DENND1A: variants seen among roughly 807,000 people sequenced by gnomAD.
DENND1A encodes DENN domain-containing protein 1A.
A neutral mutation model predicts 113.7 loss-of-function variants in DENND1A; 51 were observed. The observed-to-expected ratio is 0.45, with a 90% CI of 0.36 to 0.57. The LOEUF (loss-of-function observed/expected upper bound fraction) is 0.57, where lower values mean the gene tolerates loss of function less well. Among genes scored for constraint, DENND1A ranks in the 20% least tolerant of loss-of-function variants. The pLI is 0.00. For missense variants in DENND1A, 1,258 were observed against 1,395.9 expected (o/e 0.90, Z 1.57); for synonymous variants, 565 against 570.8 (o/e 0.99, Z 0.14).
At chr9:123,534,624 C>A (rs1361643426) in intron 13 of DENND1A, among the ~76,000 whole-genome samples, 1 of 151,916 alleles carries the variant, frequency 6.6e-6, no homozygotes, top group Non-Finnish European at 1.5e-5. Flanking sequence ...TTGCTCCACA[C>A]ACCTACCTCA....
chr9:123,488,523 T>C (rs2051082129), intron 13 of DENND1A, among the ~76,000 whole-genome samples: 1 of 152,208 alleles, frequency 6.6e-6, no homozygotes, highest in African/African-American at 2.4e-5. Context: ...TGGGCAAGAT[T>C]AGTAAATACA....
intron 8 of DENND1A, among the ~76,000 whole-genome samples, chr9:123,666,617 A>C (rs1240105560): frequency 6.6e-6 from 1 of 152,222 alleles, no homozygotes. Flanking sequence ...AATGTTCTAC[A>C]GTGAGAGAAT....
intron 13 of DENND1A, among the ~76,000 whole-genome samples, chr9:123,499,183 G>A (rs1302327103): frequency 2.0e-5 from 3 of 151,528 alleles, no homozygotes; most frequent in Non-Finnish European, 4.4e-5. Flanking sequence ...ACAGGCACAC[G>A]CCACCACGCC....
intron 1 of DENND1A, among the ~76,000 whole-genome samples, chr9:123,926,592 T>G (rs1488373950): frequency 6.9e-6 from 1 of 144,142 alleles, no homozygotes; most frequent in Admixed American, 6.9e-5. Flanking sequence ...AAAAAAGAAC[T>G]AAATAATCTA....
At chr9:123,747,073 T>C (rs2069576407) in intron 5 of DENND1A, among the ~76,000 whole-genome samples, 1 of 151,970 alleles carries the variant, frequency 6.6e-6, no homozygotes, top group Non-Finnish European at 1.5e-5. Context: ...TAAAAACTTG[T>C]TTTCTGATGG....
chr9:123,766,212 C>G (rs1828786169), intron 4 of DENND1A, among the ~76,000 whole-genome samples: 1 of 152,174 alleles, frequency 6.6e-6, no homozygotes, highest in African/African-American at 2.4e-5. Context: ...TTCTTGCTGT[C>G]CTGGCAGACT....
chr9:123,495,578 A>G (rs756505549), intron 13 of DENND1A, among the ~76,000 whole-genome samples: 1 of 152,224 alleles, frequency 6.6e-6, no homozygotes, highest in Admixed American at 6.5e-5. Flanking sequence ...AGCCCATGAT[A>G]CTTCTACATC....
intron 22 of DENND1A, 82 bp downstream of exon 22, chr9:123,387,648 A>C: frequency 8.4e-7 from 1 of 1,189,338 alleles, no homozygotes; most frequent in Non-Finnish European, 1.1e-6. Flanking sequence ...AAAGGCAAGC[A>C]GCACCAGCCC....
chr9:123,641,665 G>A (rs545486807), intron 9 of DENND1A, among the ~76,000 whole-genome samples: 1 of 150,966 alleles, frequency 6.6e-6, no homozygotes, highest in Non-Finnish European at 1.5e-5. Context: ...TCTTCTAAAT[G>A]AACTTGATCA....
At chr9:123,558,273 T>C (rs182354349) in intron 12 of DENND1A, among the ~76,000 whole-genome samples, 1 of 152,320 alleles carries the variant, frequency 6.6e-6, no homozygotes, top group African/African-American at 2.4e-5. Context: ...AGTCTTGTAG[T>C]CTGGGCCCAA....
At chr9:123,458,737 G>A (rs1217095347) in intron 13 of DENND1A, among the ~76,000 whole-genome samples, 1 of 152,196 alleles carries the variant, frequency 6.6e-6, no homozygotes, top group African/African-American at 2.4e-5. Context: ...CAAGGCAGGT[G>A]GATCACCTGA....
At position 123,784,851 on chromosome 9, in the gene DENND1A, T is replaced by C. The variant is rs190617796; in HGVS notation, c.132+7736A>G. Among the ~76,000 whole-genome samples, 56 of 152,260 alleles carry C rather than the reference T, an allele frequency of 3.7e-4. No individual in the cohort carries two copies. The East Asian group carries it at 9.3e-3, about 25-fold the overall frequency. ...CTGTAACAGCTGGGGAGTGACCAAA[T>C]TGGGAAGAAATCTTCAACTTAAAAG... is the stretch of plus-strand genomic sequence containing the variant. On this transcript the variant is annotated intron_variant, in intron 3 of 23. Transcript: ENST00000394215.
At chr9:123,928,548 A>T in intron 1 of DENND1A, 2 of 985,254 alleles carry the variant, frequency 2.0e-6, no homozygotes, top group Non-Finnish European at 2.4e-6. Context: ...TTTCCACAAA[A>T]ATAAAGATTT....
At chr9:123,525,393 C>T (rs1161256419) in intron 13 of DENND1A, among the ~76,000 whole-genome samples, 2 of 152,118 alleles carry the variant, frequency 1.3e-5, no homozygotes, top group African/African-American at 4.8e-5. Flanking sequence ...CCTCTTTTTT[C>T]GAGGGCATCT....
intron 13 of DENND1A, among the ~76,000 whole-genome samples, chr9:123,523,549 C>T (rs1031375192): frequency 3.9e-5 from 6 of 152,296 alleles, no homozygotes; most frequent in Admixed American, 3.9e-4. Context: ...AAGTTCACAG[C>T]TTGTTCTTGG....
intron 13 of DENND1A, among the ~76,000 whole-genome samples, chr9:123,526,204 C>T (rs111447646): frequency 0.09 from 13,638 of 152,168 alleles, 681 homozygotes; most frequent in Admixed American, 0.15. Flanking sequence ...TACACACACC[C>T]CCATGCCTGC....
intron 8 of DENND1A, among the ~76,000 whole-genome samples, chr9:123,664,458 T>A (rs1238826471): frequency 6.6e-6 from 1 of 152,002 alleles, no homozygotes; most frequent in Non-Finnish European, 1.5e-5. Context: ...TATTCCCTAA[T>A]AAATTAAATT....
chr9:123,821,524 C>A (rs1838469015), intron 2 of DENND1A, among the ~76,000 whole-genome samples: 1 of 152,156 alleles, frequency 6.6e-6, no homozygotes, highest in African/African-American at 2.4e-5. Flanking sequence ...ACAATCTTTC[C>A]TTATGGTGGA....
At chr9:123,684,986 T>C (rs2064717362) in intron 5 of DENND1A, among the ~76,000 whole-genome samples, 1 of 152,206 alleles carries the variant, frequency 6.6e-6, no homozygotes, top group African/African-American at 2.4e-5. Flanking sequence ...GACACCTCAC[T>C]GATCAGCTTG....
Sources: allele counts gnomAD v4.1 joint callset (sites outside exome capture counted in the v4.1 genomes callset), GRCh38; gene constraint gnomAD v4.1.1; transcripts MANE v1.5; gene names NCBI Gene and HGNC (gene_info 2026-07-23, HGNC 2026-07-21).